The following SCTR variants were observed in gnomAD, a reference collection of about 807,000 sequenced individuals.
SCTR encodes the protein secretin receptor.
A neutral mutation model predicts 60.8 loss-of-function variants in SCTR; 56 were observed. The ratio of observed to expected loss-of-function variants is 0.92; its 90% CI spans 0.74 to 1.15. The LOEUF (loss-of-function observed/expected upper bound fraction) is 1.15, where lower values mean the gene tolerates loss of function less well. Ranked by LOEUF, SCTR falls within the 50% of genes most tolerant of loss-of-function variation. SCTR has a pLI of 0.00. For synonymous variants in SCTR, 202 were observed against 217.0 expected (o/e 0.93, Z 0.61); for missense variants, 562 against 550.4 (o/e 1.02, Z -0.21).
At chr2:119,510,516 T>C (rs1438980640) in intron 1 of SCTR, among the ~76,000 whole-genome samples, 2 of 152,176 alleles carry the variant, frequency 1.3e-5, no homozygotes, top group Non-Finnish European at 2.9e-5. Flanking sequence ...TTTTGCTATC[T>C]ACATCAACCT....
chr2:119,459,396 C>A (rs1399366606), intron 7 of SCTR, among the ~76,000 whole-genome samples: 2 of 146,622 alleles, frequency 1.4e-5, no homozygotes, highest in Non-Finnish European at 3.0e-5. Context: ...ATCTGTGGGA[C>A]TAGGGTAATT....
intron 1 of SCTR, 56 bp downstream of exon 1, chr2:119,524,099 A>G: frequency 7.1e-7 from 1 of 1,405,254 alleles, no homozygotes; most frequent in South Asian, 1.2e-5. Flanking sequence ...GGCCGGAGAA[A>G]GGGCGAGACT....
chr2:119,471,854 C>T (rs949076361), intron 4 of SCTR, among the ~76,000 whole-genome samples: 1 of 152,184 alleles, frequency 6.6e-6, no homozygotes, highest in South Asian at 2.1e-4. Flanking sequence ...CAAGCATGTT[C>T]CTTAATCCCT....
chr2:119,480,690 A>G (rs1313191385), intron 2 of SCTR: 1 of 152,244 alleles, frequency 6.6e-6, no homozygotes, highest in East Asian at 1.9e-4. Flanking sequence ...ACAACTCACC[A>G]ATTCTCCCAA....
At chr2:119,519,954 A>C (rs1173326467) in intron 1 of SCTR, among the ~76,000 whole-genome samples, 2 of 151,940 alleles carry the variant, frequency 1.3e-5, no homozygotes, top group African/African-American at 4.8e-5. Flanking sequence ...CATCTATCCA[A>C]GTGTCAGTTT....
Position 119,492,832 on chromosome 2 carries a change from A to ATATT in SCTR, c.193+1592_193+1595dup, listed in dbSNP as rs71788049. ...TGTGTTCCTTTATTTTACTTTTTTAATATTTATTTATTTATTTATTTATTT... is the reference window on the plus strand; with the variant it reads ...TGTGTTCCTTTATTTTACTTTTTTAATATTTATTTATTTATTTATTTATTTATTT... On this transcript the variant is annotated intron_variant, in intron 2 of 12. Coordinates refer to ENST00000019103, the MANE Select transcript of SCTR (RefSeq NM_002980.3). 7.1e-3 allele frequency among the ~76,000 whole-genome samples: 1,038 copies of ATATT among 147,124 alleles called. 10 individuals carry two copies. Among genetic ancestry groups the ATATT allele is most frequent in the Non-Finnish European group, 0.012 (775 of 66,808 alleles).
In SCTR at chr2:119,453,245, G is replaced by A. The variant is rs771386111; in HGVS notation, c.851+42C>T. The A allele has an allele frequency of 1.0e-5, 15 of 1,431,678 alleles. No homozygotes were observed. The East Asian group carries it at 1.8e-4, about 17-fold the overall frequency. The allele number at this position is 1,431,678 out of a possible 1,614,324, so 88.7% of individuals were successfully genotyped here. On this transcript the variant is annotated intron_variant, in intron 8 of 12. Transcript: ENST00000019103. ...AACTATGCTGTTTGAAAAGCTGGACGATGTCAGATACATTCTTGTTATCCT... is the reference window on the plus strand; with the variant it reads ...AACTATGCTGTTTGAAAAGCTGGACAATGTCAGATACATTCTTGTTATCCT...
At chr2:119,516,303 T>A (rs974800654) in intron 1 of SCTR, among the ~76,000 whole-genome samples, 1 of 152,164 alleles carries the variant, frequency 6.6e-6, no homozygotes, top group African/African-American at 2.4e-5. Context: ...ATTGCCAAGA[T>A]GTGGGAGCAA....
At chr2:119,475,855 C>A (rs1677268687) in intron 3 of SCTR, among the ~76,000 whole-genome samples, 2 of 151,966 alleles carry the variant, frequency 1.3e-5, no homozygotes, top group Admixed American at 6.6e-5. Context: ...AGGCCAGATC[C>A]TCACTAAGTA....
intron 1 of SCTR, among the ~76,000 whole-genome samples, chr2:119,516,318 C>T (rs955110940): frequency 2.0e-4 from 30 of 152,152 alleles, no homozygotes; most frequent in East Asian, 1.9e-4. Flanking sequence ...GAGCAACTTA[C>T]GTGTCTCTCA....
intron 3 of SCTR, 79 bp downstream of exon 3, chr2:119,478,732 C>T (rs1407008066): frequency 5.1e-6 from 7 of 1,364,346 alleles, no homozygotes; most frequent in Non-Finnish European, 7.2e-6. Flanking sequence ...GTTCCTTGGC[C>T]TCCTGCCTCT....
Position 119,504,008 on chromosome 2 carries a change from T to A in SCTR, c.73-9460A>T, listed in dbSNP as rs185982677. Among the ~76,000 whole-genome samples, 84 of 152,342 alleles carry A rather than the reference T, an allele frequency of 5.5e-4. 1 individual carries two copies. Among genetic ancestry groups the A allele is most frequent in the African/African-American group, 2.0e-3 (84 of 41,584 alleles). On this transcript the variant is annotated intron_variant, in intron 1 of 12. Transcript: ENST00000019103. ...AAGTGGAAAGAATCGGTTTACCTGA[T>A]TTTAAGATGTATTATACAGGTACAG...
intron 1 of SCTR, among the ~76,000 whole-genome samples, chr2:119,506,013 A>G (rs763036599): frequency 1.3e-5 from 2 of 152,162 alleles, no homozygotes; most frequent in African/African-American, 2.4e-5. Context: ...ACAACACCCA[A>G]TGCTGGCAAG....
In SCTR at chr2:119,524,230, G is replaced by A. The variant is rs1679380874; in HGVS notation, c.-4C>T. 2.7e-6 allele frequency: 4 copies of A among 1,463,980 alleles called. No homozygotes were observed. Among genetic ancestry groups the A allele is most frequent in the Non-Finnish European group, 3.6e-6 (4 of 1,106,466 alleles). 90.7% of individuals were successfully genotyped at this position (1,463,980 alleles called of 1,614,324 possible). A position where few individuals can be genotyped will look rare whatever the true frequency, so the allele number is the denominator to read the frequency against. ...GCGGCGACAGGTGGGGACGCATGGT[G>A]CCCGCACGTTCCCCGAGGGCGCCCC... On this transcript the variant is annotated 5_prime_UTR_variant, in exon 1 of 13. Coordinates refer to ENST00000019103, the MANE Select transcript of SCTR (RefSeq NM_002980.3).
At chr2:119,473,649 A>G in intron 3 of SCTR, 93 bp from the exon 4 acceptor site, 1 of 808,624 alleles carries the variant, frequency 1.2e-6, no homozygotes, top group East Asian at 2.5e-5. Flanking sequence ...TGCTACAACC[A>G]CTCTATAGTG....
intron 1 of SCTR, among the ~76,000 whole-genome samples, chr2:119,520,429 T>C (rs1013823009): frequency 3.3e-5 from 5 of 152,094 alleles, no homozygotes; most frequent in Non-Finnish European, 1.5e-5. Context: ...AGCCAGGAAG[T>C]TCAAGGCTGC....
chr2:119,519,650 A>C (rs2104958681), intron 1 of SCTR, among the ~76,000 whole-genome samples: 1 of 151,970 alleles, frequency 6.6e-6, no homozygotes, highest in South Asian at 2.1e-4. Context: ...ACTAAAAAAT[A>C]CAAAAATTAG....
chr2:119,469,854 C>T (rs1433897263), intron 4 of SCTR, among the ~76,000 whole-genome samples: 1 of 152,164 alleles, frequency 6.6e-6, no homozygotes, highest in African/African-American at 2.4e-5. Flanking sequence ...GGCCCAGAAG[C>T]CTCACTGTTG....
chr2:119,461,766 C>G, intron 7 of SCTR, 81 bp downstream of exon 7: 1 of 883,150 alleles, frequency 1.1e-6, no homozygotes, highest in South Asian at 2.2e-5. Flanking sequence ...GGAGCTGGAA[C>G]TAAAAGCCGA....
Sources: allele counts gnomAD v4.1 joint callset (sites outside exome capture counted in the v4.1 genomes callset), GRCh38; gene constraint gnomAD v4.1.1; transcripts MANE v1.5; gene names NCBI Gene and HGNC (gene_info 2026-07-23, HGNC 2026-07-21).